Variants in ROS1 observed in about 807,000 individuals in gnomAD.
The protein encoded by ROS1 is proto-oncogene tyrosine-protein kinase ROS.
In ROS1, 263 loss-of-function variants were observed where a neutral mutation model predicts 273.5. The observed-to-expected ratio is 0.96, with a 90% CI of 0.87 to 1.06. The LOEUF (loss-of-function observed/expected upper bound fraction) is 1.06. Ranked by LOEUF, ROS1 falls within the 50% of genes least tolerant of loss-of-function variation. The pLI is 0.00. For synonymous variants in ROS1, 1,008 were observed against 954.1 expected (o/e 1.06, Z -1.04); for missense variants, 2,833 against 2,751.1 (o/e 1.03, Z -0.67).
At chr6:117,383,541 C>A (rs1315399373) in intron 16 of ROS1, 33 bp from the exon 17 acceptor site, 3 of 1,456,910 alleles carry the variant, frequency 2.1e-6, no homozygotes, top group African/African-American at 2.8e-5. Context: ...CAGTTAATGG[C>A]TTTCAAGTGA....
intron 42 of ROS1, among the ~76,000 whole-genome samples, chr6:117,308,506 C>T (rs942270421): frequency 2.0e-5 from 3 of 151,958 alleles, no homozygotes; most frequent in African/African-American, 4.8e-5. Context: ...CACATACACT[C>T]GGAGTGCTTT....
chr6:117,332,812 T>C (rs1178339821), intron 32 of ROS1, among the ~76,000 whole-genome samples: 1 of 151,698 alleles, frequency 6.6e-6, no homozygotes, highest in Non-Finnish European at 1.5e-5. Flanking sequence ...ACAGAGACAA[T>C]GTACCAGAAT....
intron 43 of ROS1, among the ~76,000 whole-genome samples, chr6:117,297,398 G>T (rs1774325835): frequency 6.6e-6 from 1 of 152,054 alleles, no homozygotes; most frequent in Non-Finnish European, 1.5e-5. Context: ...AGCTTGTGCA[G>T]AAAAAGAAAT....
In ROS1 at chr6:117,389,607, C is replaced by G; in HGVS notation, c.1529G>C (p.Ser510Thr). Reference sequence around the variant, plus strand: ...AAAGTCATTGTTTTCACAAGCAAAACTTTTCACATCAGCAAAGGGGATGCG... The same window carrying G: ...AAAGTCATTGTTTTCACAAGCAAAAGTTTTCACATCAGCAAAGGGGATGCG... ...LPRIPFADVK[S>T]FACENNDFLV... Residue 510 changes from serine to threonine, a missense_variant, in exon 13 of 44, where the codon AGT becomes ACT. Coordinates refer to ENST00000368507, the MANE Select transcript of ROS1 (RefSeq NM_001378902.1). The G allele has an allele frequency of 1.2e-6, 2 of 1,614,190 alleles. No individual in the cohort carries two copies. The highest frequency in any genetic ancestry group is 1.7e-6 in the Non-Finnish European group (2 of 1,180,030).
At position 117,404,347 on chromosome 6, in the gene ROS1, A is replaced by C. The variant is rs370602941; in HGVS notation, c.398T>G (p.Phe133Cys). The change falls in exon 6 of 44, where the codon TTC (phenylalanine) becomes TGC (cysteine). Residue 133 changes from phenylalanine (F) to cysteine (C), a missense_variant. Transcript: ENST00000368507. Reference sequence around the variant, plus strand: ...CTGAATGATGTATTTTACTCCAGAGAAGTTTGCAGATTTCCATCGTAATGT... The same window carrying C: ...CTGAATGATGTATTTTACTCCAGAGCAGTTTGCAGATTTCCATCGTAATGT... ...NMTLRWKSAN[F>C]SGVKYIIQWK... 2 of 1,613,876 alleles carry C rather than the reference A, an allele frequency of 1.2e-6. No homozygotes were observed. Among genetic ancestry groups the C allele is most frequent in the Non-Finnish European group, 1.7e-6 (2 of 1,179,856 alleles).
At chr6:117,305,059 TTTCTTTATAAATTACCCAGG>T (rs1290651834) in intron 42 of ROS1, among the ~76,000 whole-genome samples, 1 of 152,292 alleles carries the variant, frequency 6.6e-6, no homozygotes, top group African/African-American at 2.4e-5. Context: ...TTAAACCTCT[TTTCTTTATAAATTACCCAGG>T]TTCTTTATAA....
intron 37 of ROS1, 85 bp downstream of exon 37, chr6:117,319,783 C>T: frequency 2.8e-5 from 35 of 1,266,530 alleles, no homozygotes; most frequent in Non-Finnish European, 3.9e-5. Context: ...ACAAAGAGCA[C>T]TCAACTTTTA....
intron 36 of ROS1, among the ~76,000 whole-genome samples, chr6:117,320,778 A>G (rs1397264435): frequency 6.6e-6 from 1 of 152,094 alleles, no homozygotes; most frequent in Admixed American, 6.6e-5. Context: ...CCTTTGCATA[A>G]GACACTTGAA....
rs1338433823 is a variant in ROS1, at chr6:117,324,349, G to C, written c.5606C>G (p.Thr1869Arg). 6.6e-7 allele frequency: 1 copy of C among 1,521,136 alleles called. No homozygotes were observed. Among genetic ancestry groups the C allele is most frequent in the Non-Finnish European group, 9.1e-7 (1 of 1,103,808 alleles). 94.2% of individuals were successfully genotyped at this position (1,521,136 alleles called of 1,614,324 possible). Residue 1869 changes from threonine to arginine, a missense_variant, in exon 35 of 44, where the codon ACA (threonine) becomes AGA (arginine). Transcript: ENST00000368507. ...TIIVGIFLVVTIPLTFVWHRR... is the reference protein window; with the variant it reads ...TIIVGIFLVVRIPLTFVWHRR... ...ATACTTACCAAAGGTCAGTGGGATT[G>C]TAACAACCAGAAATATTCCAACTAT...
Position 117,308,785 on chromosome 6 carries a change from T to C in ROS1, c.6551+9A>G. On this transcript the variant is annotated intron_variant, in intron 42 of 43. Transcript: ENST00000368507. ...TTGGGGGATACATATGTTAACATAA[T>C]TAACTTACAGATCATCAGGACAATT... 6.2e-7 allele frequency: 1 copy of C among 1,611,480 alleles called. No homozygotes were observed. The highest frequency in any genetic ancestry group is 8.5e-7 in the Non-Finnish European group (1 of 1,178,944).
chr6:117,380,350 A>G (rs945245356), intron 17 of ROS1, among the ~76,000 whole-genome samples: 1 of 151,980 alleles, frequency 6.6e-6, no homozygotes, highest in African/African-American at 2.4e-5. Flanking sequence ...GACGACAAAA[A>G]CCCTTCGGTT....
chr6:117,328,719 T>G (rs1582634905), intron 33 of ROS1: 2 of 613,816 alleles, frequency 3.3e-6, no homozygotes, highest in East Asian at 6.7e-5. Flanking sequence ...AAATCAGTCC[T>G]TCTAAGCCAG....
At chr6:117,300,231 G>A (rs1042631470) in intron 43 of ROS1, among the ~76,000 whole-genome samples, 2 of 151,156 alleles carry the variant, frequency 1.3e-5, no homozygotes, top group Non-Finnish European at 2.9e-5. Flanking sequence ...GATTACAGGC[G>A]TGAGCCACCG....
intron 36 of ROS1, 149 bp downstream of exon 36, chr6:117,321,110 G>T (rs2128562601): frequency 1.3e-6 from 1 of 763,616 alleles, no homozygotes; most frequent in South Asian, 3.2e-5. Flanking sequence ...GGTCACATTT[G>T]AGAGTGGAAG....
In ROS1 at chr6:117,365,088, T is replaced by G. The variant is rs1189858049; in HGVS notation, c.3075A>C (p.Thr1025=). 6.2e-7 allele frequency: 1 copy of G among 1,613,820 alleles called. No individual in the cohort carries two copies. Among genetic ancestry groups the G allele is most frequent in the Admixed American group, 1.7e-5 (1 of 59,960 alleles). ...PYTYWGKGPK[T]SLSLRAPETV... Reference sequence around the variant, plus strand: ...TTTCAGGTGCTCGAAGTGACAGAGATGTTTTGGGGCCCTTTCCCCAGTAGG... The same window carrying G: ...TTTCAGGTGCTCGAAGTGACAGAGAGGTTTTGGGGCCCTTTCCCCAGTAGG... Residue 1025 remains threonine (T), a synonymous_variant, in exon 21 of 44, where the codon ACA becomes ACC. Coordinates refer to ENST00000368507, the MANE Select transcript of ROS1 (RefSeq NM_001378902.1).
At chr6:117,307,278 C>A (rs1018455178) in intron 42 of ROS1, among the ~76,000 whole-genome samples, 1 of 152,078 alleles carries the variant, frequency 6.6e-6, no homozygotes, top group African/African-American at 2.4e-5. Flanking sequence ...AGCTGCCTAT[C>A]CAAAAATATT....
chr6:117,351,262 G>T (rs75298871), intron 27 of ROS1, among the ~76,000 whole-genome samples: 1 of 152,256 alleles, frequency 6.6e-6, no homozygotes, highest in Non-Finnish European at 1.5e-5. Context: ...GGGACACGAC[G>T]GCTGGAGTGG....
chr6:117,380,782 T>C (rs774748650), intron 17 of ROS1, among the ~76,000 whole-genome samples: 4 of 152,086 alleles, frequency 2.6e-5, no homozygotes, highest in Non-Finnish European at 5.9e-5. Context: ...CTAAAACCCT[T>C]ATGCTAAATT....
At chr6:117,373,257 G>A (rs920910317) in intron 18 of ROS1, among the ~76,000 whole-genome samples, 1 of 152,250 alleles carries the variant, frequency 6.6e-6, no homozygotes, top group Non-Finnish European at 1.5e-5. Context: ...GGCCGTGGGT[G>A]GAGCTGCCCG....
Sources: allele counts gnomAD v4.1 joint callset (sites outside exome capture counted in the v4.1 genomes callset), GRCh38; gene constraint gnomAD v4.1.1; transcripts MANE v1.5; gene names NCBI Gene and HGNC (gene_info 2026-07-23, HGNC 2026-07-21).